Variants in PHF24 observed in about 807,000 individuals in gnomAD.
PHF24 encodes the protein PHD finger protein 24.
A neutral mutation model predicts 42.6 loss-of-function variants in PHF24; 25 were observed. The observed-to-expected ratio is 0.59, with a 90% CI of 0.43 to 0.82. The LOEUF (loss-of-function observed/expected upper bound fraction) is 0.82. PHF24 is among the 40% of genes least tolerant of loss of function. PHF24 has a pLI of 0.00. For synonymous variants in PHF24, 185 were observed against 204.8 expected, an observed-to-expected ratio of 0.90 and a Z score of 0.83; for missense variants, 470 against 538.1, an observed-to-expected ratio of 0.87 and a Z score of 1.25.
the PHF24 span, among the ~76,000 whole-genome samples, chr9:34,680,644 C>A: frequency 6.8e-6 from 1 of 147,484 alleles, no homozygotes; most frequent in African/African-American, 2.5e-5. Flanking sequence ...GCCGAGATCC[C>A]GCCACTGCAC....
chr9:34,758,402 C>G, the PHF24 span, among the ~76,000 whole-genome samples: 3 of 152,102 alleles, frequency 2.0e-5, no homozygotes, highest in Non-Finnish European at 4.4e-5. The surrounding 1 kb of genome is among the most constrained non-coding windows in gnomAD (Gnocchi z 4.4). Flanking sequence ...GCGGGTTCAC[C>G]AGCTTAGGAG....
At chr9:34,787,267 G>A in the PHF24 span, among the ~76,000 whole-genome samples, 29 of 152,248 alleles carry the variant, frequency 1.9e-4, no homozygotes, top group East Asian at 5.6e-3. Context: ...CAGGGACATG[G>A]AGAGGAGCTG....
the PHF24 span, among the ~76,000 whole-genome samples, chr9:34,792,235 A>G: frequency 2.6e-5 from 4 of 152,180 alleles, no homozygotes; most frequent in African/African-American, 9.7e-5. Context: ...CTCAAACAGA[A>G]CCAAGAAGGT....
the PHF24 span, among the ~76,000 whole-genome samples, chr9:34,908,062 C>T: frequency 3.3e-5 from 5 of 152,054 alleles, no homozygotes; most frequent in South Asian, 2.1e-4. Context: ...AGGCTGGTCT[C>T]GAACTCCCGA....
chr9:34,917,503 A>C, the PHF24 span: 1 of 773,004 alleles, frequency 1.3e-6, no homozygotes, highest in East Asian at 2.4e-5. Flanking sequence ...GAAAGCCTGC[A>C]GAGACCAATT....
chr9:34,970,498 A>G (rs1288264796), intron 1 of PHF24, among the ~76,000 whole-genome samples: 1 of 152,192 alleles, frequency 6.6e-6, no homozygotes, highest in African/African-American at 2.4e-5. Context: ...CCTTGACCAC[A>G]TGGATACGGG....
chr9:34,767,474 C>A, the PHF24 span, among the ~76,000 whole-genome samples: 1 of 152,230 alleles, frequency 6.6e-6, no homozygotes, highest in Non-Finnish European at 1.5e-5. Context: ...TGCTAGCAAT[C>A]AGCGAGACTC....
the PHF24 span, among the ~76,000 whole-genome samples, chr9:34,815,612 A>T: frequency 6.6e-6 from 1 of 152,118 alleles, no homozygotes; most frequent in Non-Finnish European, 1.5e-5. Context: ...GTGAGCTACC[A>T]TGCCTGGCCC....
chr9:34,680,964 G>A, the PHF24 span: 3 of 152,172 alleles, frequency 2.0e-5, no homozygotes, highest in Non-Finnish European at 4.4e-5. Flanking sequence ...CTCATCTTGG[G>A]AGTTACCATC....
the PHF24 span, among the ~76,000 whole-genome samples, chr9:34,942,426 G>A: frequency 1.3e-5 from 2 of 152,322 alleles, no homozygotes; most frequent in African/African-American, 4.8e-5. Context: ...TGAAGTTGTA[G>A]GTTCCTAAAT....
At chr9:34,912,964 A>C in the PHF24 span, among the ~76,000 whole-genome samples, 3 of 152,222 alleles carry the variant, frequency 2.0e-5, no homozygotes, top group Non-Finnish European at 4.4e-5. Context: ...ATAAATAGAA[A>C]TATAGAAGCT....
At chr9:34,853,317 T>A in the PHF24 span, among the ~76,000 whole-genome samples, 2 of 152,192 alleles carry the variant, frequency 1.3e-5, no homozygotes. Context: ...GAAGCCAACA[T>A]GACCATGGTG....
chr9:34,906,737 ACT>A, the PHF24 span, among the ~76,000 whole-genome samples: 3 of 151,200 alleles, frequency 2.0e-5, no homozygotes, highest in African/African-American at 4.9e-5. Context: ...GCAGGGAGGG[ACT>A]CTCTTGGAAT....
chr9:34,907,475 C>T, the PHF24 span, among the ~76,000 whole-genome samples: 3 of 152,194 alleles, frequency 2.0e-5, no homozygotes, highest in African/African-American at 7.2e-5. Flanking sequence ...TTTCATAGAC[C>T]CTTCTAAAGG....
At chr9:34,796,264 CTA>C in the PHF24 span, among the ~76,000 whole-genome samples, 1 of 151,452 alleles carries the variant, frequency 6.6e-6, no homozygotes, top group Admixed American at 6.6e-5. Context: ...AAATATAAAA[CTA>C]TAAAACTTTT....
intron 1 of PHF24, among the ~76,000 whole-genome samples, chr9:34,961,132 T>C (rs1826575627): frequency 6.6e-6 from 1 of 152,250 alleles, no homozygotes; most frequent in African/African-American, 2.4e-5. Context: ...CACCTGTTCC[T>C]AAGTGAATCA....
the PHF24 span, among the ~76,000 whole-genome samples, chr9:34,722,304 A>G: frequency 6.6e-6 from 1 of 152,176 alleles, no homozygotes; most frequent in Non-Finnish European, 1.5e-5. Flanking sequence ...GAAAAAAATC[A>G]AGGATAACAC....
chr9:34,810,500 A>G, the PHF24 span, among the ~76,000 whole-genome samples: 1 of 152,116 alleles, frequency 6.6e-6, no homozygotes, highest in Non-Finnish European at 1.5e-5. Flanking sequence ...AGCTGGCTCA[A>G]TGGAAGACCG....
At chr9:34,723,269 C>G in the PHF24 span, 45 of 1,551,716 alleles carry the variant, frequency 2.9e-5, no homozygotes, top group Non-Finnish European at 3.0e-5. Context: ...ACAAGCCTCT[C>G]GAGGACAGTG....
Sources: allele counts gnomAD v4.1 joint callset (sites outside exome capture counted in the v4.1 genomes callset), GRCh38; gene constraint gnomAD v4.1.1; non-coding constraint Gnocchi (gnomAD v3.1); transcripts MANE v1.5; gene names NCBI Gene and HGNC (gene_info 2026-07-23, HGNC 2026-07-21).